KCNN2: variants seen among roughly 807,000 people sequenced by gnomAD.
KCNN2 encodes the protein potassium calcium-activated channel subfamily N member 2.
In KCNN2, 24 loss-of-function variants were observed where a neutral mutation model predicts 55.5. The ratio of observed to expected loss-of-function variants is 0.43; its 90% CI spans 0.31 to 0.61. The LOEUF (loss-of-function observed/expected upper bound fraction) is 0.61, where lower values mean the gene tolerates loss of function less well. KCNN2 is among the 20% of genes least tolerant of loss of function. The probability of loss-of-function intolerance (pLI) is 0.08; values close to 1 mark genes in which losing one functional copy is unlikely to be tolerated. For missense variants in KCNN2, 754 were observed against 853.6 expected, an observed-to-expected ratio of 0.88 and a Z score of 1.45; for synonymous variants, 431 against 336.1, an observed-to-expected ratio of 1.28 and a Z score of -3.09.
In KCNN2 at chr5:114,487,046, A is replaced by C; in HGVS notation, c.1891-4A>C. On this transcript the variant is annotated splice_polypyrimidine_tract_variant and splice_region_variant and intron_variant, in intron 5 of 7. Coordinates refer to ENST00000673685, the MANE Select transcript of KCNN2 (RefSeq NM_021614.4). Reference sequence around the variant, plus strand: ...ATCAACTGCTTTGTTTGTTCTCTTAACAGGTAAAAAATGCAGCTGCCAATG... The same window carrying C: ...ATCAACTGCTTTGTTTGTTCTCTTACCAGGTAAAAAATGCAGCTGCCAATG... The C allele has an allele frequency of 6.2e-7, 1 of 1,612,802 alleles. No homozygotes were observed. Among genetic ancestry groups the C allele is most frequent in the Non-Finnish European group, 8.5e-7 (1 of 1,179,194 alleles).
At chr5:114,141,147 A>T (rs541433520) in intron 1 of KCNN2, among the ~76,000 whole-genome samples, 38 of 151,968 alleles carry the variant, frequency 2.5e-4, no homozygotes, top group Non-Finnish European at 4.3e-4. Flanking sequence ...ATTCTTTTTT[A>T]TACTTTAAGT....
Position 114,203,163 on chromosome 5 carries a change from G to T in KCNN2, c.-270-18317G>T, listed in dbSNP as rs192161449. Among the ~76,000 whole-genome samples the T allele has an allele frequency of 3.3e-4, 50 of 152,120 alleles. 1 individual carries two copies. The highest frequency in any genetic ancestry group is 2.1e-3 in the Admixed American group (32 of 15,276). On this transcript the variant is annotated intron_variant, in intron 1 of 10. Transcript: ENST00000512097. Reference sequence around the variant, plus strand: ...AGGTTTTAATTTTTTGGCTCTTTTGGATTTAATTCTGTTTTATTATTAGGT... The same window carrying T: ...AGGTTTTAATTTTTTGGCTCTTTTGTATTTAATTCTGTTTTATTATTAGGT...
chr5:114,326,336 G>C (rs1172894148), intron 2 of KCNN2, among the ~76,000 whole-genome samples: 1 of 152,224 alleles, frequency 6.6e-6, no homozygotes, highest in Non-Finnish European at 1.5e-5. Context: ...AAGGCTGAAA[G>C]TGGGAGGTGC....
chr5:114,196,007 T>C (rs1753548825), intron 1 of KCNN2, among the ~76,000 whole-genome samples: 2 of 152,162 alleles, frequency 1.3e-5, no homozygotes, highest in Middle Eastern at 3.4e-3. Context: ...TTTTTCTGCA[T>C]GTGGGTATGG....
intron 2 of KCNN2, among the ~76,000 whole-genome samples, chr5:114,223,550 A>G (rs1247228169): frequency 6.6e-6 from 1 of 152,192 alleles, no homozygotes; most frequent in African/African-American, 2.4e-5. Context: ...CAGCCAAAAT[A>G]GACAGGGAAG....
intron 1 of KCNN2, among the ~76,000 whole-genome samples, chr5:114,198,159 A>T (rs1753596659): frequency 6.6e-6 from 1 of 151,872 alleles, no homozygotes; most frequent in Non-Finnish European, 1.5e-5. Flanking sequence ...TAGTCCGTTA[A>T]CACAGATGGT....
chr5:114,396,470 A>T (rs745636968), intron 2 of KCNN2, among the ~76,000 whole-genome samples: 50 of 152,076 alleles, frequency 3.3e-4, no homozygotes, highest in Non-Finnish European at 5.1e-4. Flanking sequence ...CAGGTTTGTT[A>T]TACAGATAAA....
chr5:114,129,109 A>G (rs1413068033), intron 1 of KCNN2, among the ~76,000 whole-genome samples: 1 of 152,198 alleles, frequency 6.6e-6, no homozygotes, highest in East Asian at 1.9e-4. Context: ...GGAAGGTGAA[A>G]TAATGGAGTC....
At chr5:114,486,100 T>C (rs2150136451) in intron 5 of KCNN2, among the ~76,000 whole-genome samples, 1 of 152,302 alleles carries the variant, frequency 6.6e-6, no homozygotes, top group Middle Eastern at 3.4e-3. Flanking sequence ...CATTGTTTTG[T>C]CTTCCGCACT....
At chr5:114,099,063 C>A (rs542156683) in intron 1 of KCNN2, among the ~76,000 whole-genome samples, 3 of 152,216 alleles carry the variant, frequency 2.0e-5, no homozygotes, top group Admixed American at 2.0e-4. Flanking sequence ...TTAGGCTTTT[C>A]TCCAAAGGAT....
At chr5:114,097,423 A>C (rs10071556) in intron 1 of KCNN2, among the ~76,000 whole-genome samples, 1,569 of 152,260 alleles carry the variant, frequency 0.01, 40 homozygotes, top group African/African-American at 0.036. Flanking sequence ...GTTGATGGTC[A>C]CTAGTGTCAT....
chr5:114,410,235 G>T (rs1027563519), intron 3 of KCNN2, among the ~76,000 whole-genome samples: 3 of 152,180 alleles, frequency 2.0e-5, no homozygotes, highest in Non-Finnish European at 2.9e-5. Flanking sequence ...ATCCAATCCT[G>T]ACTTGTACCT....
chr5:114,064,352 GCC>G (rs1249560874), intron 1 of KCNN2, among the ~76,000 whole-genome samples: 2 of 152,184 alleles, frequency 1.3e-5, no homozygotes, highest in Non-Finnish European at 2.9e-5. Flanking sequence ...AGGCTTCTGA[GCC>G]CAGGCCTTAA....
At position 114,211,499 on chromosome 5, in the gene KCNN2, G is replaced by T. The variant is rs375763944; in HGVS notation, c.-270-9981G>T. 2.0e-5 allele frequency among the ~76,000 whole-genome samples: 3 copies of T among 152,138 alleles called. No homozygotes were observed. In the South Asian group the frequency reaches 6.2e-4, roughly 31 times the overall value. ...ACCATATGTTCTCACTTAATAGTGGGAGCTAATTGGTGAGAATTCATGGAC... is the reference window on the plus strand; with the variant it reads ...ACCATATGTTCTCACTTAATAGTGGTAGCTAATTGGTGAGAATTCATGGAC... On this transcript the variant is annotated intron_variant, in intron 1 of 10. Coordinates refer to the KCNN2 transcript ENST00000512097.
At chr5:114,099,388 A>G (rs913780780) in intron 1 of KCNN2, among the ~76,000 whole-genome samples, 1 of 152,186 alleles carries the variant, frequency 6.6e-6, no homozygotes, top group South Asian at 2.1e-4. Flanking sequence ...ATAAGAAAAC[A>G]AAAACTTGGA....
At chr5:114,365,814 C>T (rs909606686) in intron 2 of KCNN2, among the ~76,000 whole-genome samples, 1 of 152,130 alleles carries the variant, frequency 6.6e-6, no homozygotes, top group Non-Finnish European at 1.5e-5. Context: ...AGGACAGAGT[C>T]GTTTTGCTTA....
intron 2 of KCNN2, among the ~76,000 whole-genome samples, chr5:114,282,191 T>C (rs756343996): frequency 3.9e-5 from 6 of 152,084 alleles, no homozygotes; most frequent in Non-Finnish European, 7.4e-5. Flanking sequence ...CTTTTGGGGA[T>C]AGATTTGTTT....
At chr5:114,082,003 G>A (rs999121779) in intron 1 of KCNN2, among the ~76,000 whole-genome samples, 3 of 152,102 alleles carry the variant, frequency 2.0e-5, no homozygotes, top group Non-Finnish European at 4.4e-5. Flanking sequence ...ATATTCCAAA[G>A]AAGATATAAA....
intron 2 of KCNN2, among the ~76,000 whole-genome samples, chr5:114,305,654 G>T (rs1017042355): frequency 6.6e-6 from 1 of 152,128 alleles, no homozygotes; most frequent in Admixed American, 6.5e-5. Context: ...CTATGGCAAG[G>T]CACTGCTGGA....
Sources: allele counts gnomAD v4.1 joint callset (sites outside exome capture counted in the v4.1 genomes callset), GRCh38; gene constraint gnomAD v4.1.1; transcripts MANE v1.5; gene names NCBI Gene and HGNC (gene_info 2026-07-23, HGNC 2026-07-21).